The following INSIG2 variants were observed in gnomAD, a reference collection of about 807,000 sequenced individuals.
The protein encoded by INSIG2 is insulin-induced gene 2 protein.
A neutral mutation model predicts 27.2 loss-of-function variants in INSIG2; 10 were observed. The observed-to-expected ratio is 0.37, with a 90% CI of 0.23 to 0.62. The LOEUF (loss-of-function observed/expected upper bound fraction) is 0.62, where lower values mean the gene tolerates loss of function less well. INSIG2 is among the 20% of genes least tolerant of loss of function. The pLI is 0.65. For synonymous variants in INSIG2, 97 were observed against 95.8 expected (o/e 1.01, Z -0.07); for missense variants, 178 against 270.2 (o/e 0.66, Z 2.39).
In INSIG2 at chr2:118,096,703, T is replaced by TTC. The variant is rs762335199; in HGVS notation, c.147_148insTC (p.Gln50SerfsTer7). 6 of 1,613,972 alleles carry TTC rather than the reference T, an allele frequency of 3.7e-6. No individual in the cohort carries two copies. The highest frequency in any genetic ancestry group is 5.1e-6 in the Non-Finnish European group (6 of 1,179,980). On this transcript the variant is annotated frameshift_variant, in exon 2 of 6. Transcript: ENST00000245787. LOFTEE classifies it high-confidence loss of function. ...TTCTTGCATTAGTGTTAAATTTACT[T>TTC]CAGATTCAGAGAAATGTGACGCTCT... is the stretch of plus-strand genomic sequence containing the variant.
In INSIG2 at chr2:118,110,682, ATTTT is replaced by A. The variant is rs538407678; in HGVS notation, c.*2364_*2367del. 2.6e-5 allele frequency: 4 copies of A among 152,274 alleles called. No individual in the cohort carries two copies. The South Asian group carries it at 8.3e-4, about 32-fold the overall frequency. 9.4% of individuals were successfully genotyped at this position (152,274 alleles called of 1,614,324 possible). On this transcript the variant is annotated 3_prime_UTR_variant, in exon 6 of 6. Coordinates refer to ENST00000245787, the MANE Select transcript of INSIG2 (RefSeq NM_016133.4). ...ATAAATATATAAATGTATAGAACCT[ATTTT>A]TTTCAATGAAAGAAAATGGGAAACA...
Position 118,108,352 on chromosome 2 carries a change from A to G in INSIG2, c.*30A>G. 1 of 1,547,842 alleles carries G rather than the reference A, an allele frequency of 6.5e-7. No individual in the cohort carries two copies. Among genetic ancestry groups the G allele is most frequent in the East Asian group, 2.3e-5 (1 of 43,942 alleles). ...GGCAAAAAATATCTTTTGTACAGAA[A>G]AGCAAGATGAAAAGGATGTGAAATG... On this transcript the variant is annotated 3_prime_UTR_variant, in exon 6 of 6. Coordinates refer to ENST00000245787, the MANE Select transcript of INSIG2 (RefSeq NM_016133.4).
chr2:118,097,177 A>G (rs1010980023), intron 2 of INSIG2, among the ~76,000 whole-genome samples: 1 of 149,542 alleles, frequency 6.7e-6, no homozygotes, highest in African/African-American at 2.5e-5. Flanking sequence ...GTCTCATTCT[A>G]TCTGTCCTGT....
chr2:118,092,720 TTA>T (rs1678284104), intron 1 of INSIG2, among the ~76,000 whole-genome samples: 1 of 152,116 alleles, frequency 6.6e-6, no homozygotes, highest in South Asian at 2.1e-4. Flanking sequence ...ATGTCTACCT[TTA>T]TGTTTGTTTT....
Position 118,091,215 on chromosome 2 carries a change from ACTC to A in INSIG2, c.-139+2678_-139+2680del, listed in dbSNP as rs558247646. On this transcript the variant is annotated intron_variant, in intron 1 of 5. Transcript: ENST00000245787. ...CCCTTGAAAATAACCCACTCCTCTG[ACTC>A]CTCTAGTGTGCAACTGATATTATAA... 6.6e-5 allele frequency among the ~76,000 whole-genome samples: 10 copies of A among 152,188 alleles called. 2 individuals carry two copies. Among genetic ancestry groups the A allele is most frequent in the African/African-American group, 2.4e-4 (10 of 41,524 alleles).
intron 3 of INSIG2, 132 bp downstream of exon 3, chr2:118,103,453 C>A: frequency 2.8e-6 from 2 of 709,136 alleles, no homozygotes; most frequent in Non-Finnish European, 4.5e-6. Flanking sequence ...GAATGTCAAC[C>A]ATATTGTTGA....
intron 3 of INSIG2, among the ~76,000 whole-genome samples, chr2:118,105,459 T>C (rs2104538767): frequency 6.6e-6 from 1 of 152,344 alleles, no homozygotes; most frequent in South Asian, 2.1e-4. Context: ...CAAATTCCAC[T>C]CTTTACATGA....
chr2:118,089,791 A>C (rs1573566236), intron 1 of INSIG2, among the ~76,000 whole-genome samples: 1 of 152,212 alleles, frequency 6.6e-6, no homozygotes, highest in East Asian at 1.9e-4. Flanking sequence ...CACACGGAAA[A>C]GGAAAGAATA....
At chr2:118,097,124 A>G (rs940238755) in intron 2 of INSIG2, among the ~76,000 whole-genome samples, 9 of 152,210 alleles carry the variant, frequency 5.9e-5, no homozygotes, top group Non-Finnish European at 7.4e-5. Flanking sequence ...TCTCTGTTCT[A>G]GAATGCAATA....
chr2:118,108,533 A>C lies in INSIG2; in HGVS notation c.*211A>C, dbSNP rs1678733553. ...ATCTGTAAATCAGTTGTAAACCTTT[A>C]CATATTTGACTTAAATAACTGTAAG... On this transcript the variant is annotated 3_prime_UTR_variant, in exon 6 of 6. Transcript: ENST00000245787. 4.7e-6 allele frequency: 2 copies of C among 424,012 alleles called. No individual in the cohort carries two copies. Among genetic ancestry groups the C allele is most frequent in the East Asian group, 8.2e-5 (2 of 24,262 alleles). 26.3% of individuals were successfully genotyped at this position (424,012 alleles called of 1,614,324 possible).
intron 3 of INSIG2, among the ~76,000 whole-genome samples, chr2:118,104,837 A>C (rs928233470): frequency 6.6e-6 from 1 of 152,200 alleles, no homozygotes; most frequent in African/African-American, 2.4e-5. Context: ...TTTTAAGTAG[A>C]GAAATTTAAA....
intron 1 of INSIG2, among the ~76,000 whole-genome samples, chr2:118,089,352 A>AT (rs1158674916): frequency 6.6e-6 from 1 of 152,166 alleles, no homozygotes; most frequent in Non-Finnish European, 1.5e-5. Context: ...AAATGCTTTA[A>AT]AAAGGAATGG....
At chr2:118,107,235 A>C in intron 5 of INSIG2, 46 bp downstream of exon 5, 1 of 1,361,182 alleles carries the variant, frequency 7.3e-7, no homozygotes. Flanking sequence ...AACAAATGAC[A>C]AGTTTTCTCT....
rs1449491664 is a variant in INSIG2, at chr2:118,109,459, G to A, written c.*1137G>A. On this transcript the variant is annotated 3_prime_UTR_variant, in exon 6 of 6. Transcript: ENST00000245787. ...TGTATTGAGATGGCATTCTCTGCAT[G>A]TTAAAGATCTTAATGGCAACCAGCA... 1 of 152,172 alleles carries A rather than the reference G, an allele frequency of 6.6e-6. No individual in the cohort carries two copies. The allele number at this position is 152,172 out of a possible 1,614,324, so 9.4% of individuals were successfully genotyped here.
intron 1 of INSIG2, among the ~76,000 whole-genome samples, chr2:118,093,856 AT>A (rs1411009519): frequency 4.1e-5 from 4 of 98,434 alleles, no homozygotes; most frequent in South Asian, 4.9e-4. Context: ...CCAGATGATG[AT>A]GATGATGAGG....
At chr2:118,098,693 G>A (rs534712032) in intron 2 of INSIG2, among the ~76,000 whole-genome samples, 1 of 152,148 alleles carries the variant, frequency 6.6e-6, no homozygotes. Context: ...TTGTCCTTCT[G>A]CCCCTTTAAT....
At chr2:118,096,871 A>G in intron 2 of INSIG2, 71 bp downstream of exon 2, 3 of 1,482,114 alleles carry the variant, frequency 2.0e-6, no homozygotes, top group South Asian at 2.6e-5. Context: ...TGTCTGAGCA[A>G]TAAACCTTTT....
Position 118,109,055 on chromosome 2 carries a change from T to C in INSIG2, c.*733T>C, listed in dbSNP as rs532336840. On this transcript the variant is annotated 3_prime_UTR_variant, in exon 6 of 6. Transcript: ENST00000245787. ...TTTTGGTTCTAAATTTGGAACAGTA[T>C]ATATAATTAAAAGTAAGGAACATTA... The C allele has an allele frequency of 6.6e-6, 1 of 152,354 alleles. No homozygotes were observed. Among genetic ancestry groups the C allele is most frequent in the African/African-American group, 2.4e-5 (1 of 41,586 alleles). The allele number at this position is 152,354 out of a possible 1,614,324, so 9.4% of individuals were successfully genotyped here.
Position 118,107,947 on chromosome 2 carries a change from T to C in INSIG2, c.637-334T>C, listed in dbSNP as rs555232812. 7.2e-5 allele frequency among the ~76,000 whole-genome samples: 11 copies of C among 152,274 alleles called. No individual in the cohort carries two copies. In the East Asian group the frequency reaches 1.9e-3, roughly 27 times the overall value. On this transcript the variant is annotated intron_variant, in intron 5 of 5. Coordinates refer to ENST00000245787, the MANE Select transcript of INSIG2 (RefSeq NM_016133.4). ...AACTATTCTTTGCTAATTTGCCTTATTGAATACTCAAAGAAACCTGCTTTG... is the reference window on the plus strand; with the variant it reads ...AACTATTCTTTGCTAATTTGCCTTACTGAATACTCAAAGAAACCTGCTTTG...
Sources: gnomAD v4.1 joint callset for allele counts (sites outside exome capture counted in the v4.1 genomes callset) on GRCh38, gnomAD v4.1.1 for gene constraint, MANE v1.5 for transcripts, NCBI Gene and HGNC (gene_info 2026-07-23, HGNC 2026-07-21) for gene names.